The following FARS2 variants were observed in gnomAD, a reference collection of about 807,000 sequenced individuals.
FARS2 encodes the protein phenylalanine--tRNA ligase, mitochondrial.
Under a neutral mutation model 46.4 loss-of-function variants are expected in FARS2, and 40 were observed. The observed-to-expected ratio is 0.86, with a 90% CI of 0.67 to 1.12. The LOEUF is 1.12. FARS2 is among the 50% of genes most tolerant of loss of function. FARS2 has a pLI of 0.00. For synonymous variants in FARS2, 234 were observed against 214.9 expected (o/e 1.09, Z -0.78); for missense variants, 513 against 567.9 (o/e 0.90, Z 0.98).
At chr6:5,706,285 C>T (rs1386038799) in intron 6 of FARS2, among the ~76,000 whole-genome samples, 1 of 152,228 alleles carries the variant, frequency 6.6e-6, no homozygotes, top group African/African-American at 2.4e-5. Context: ...GCTTCCTAGC[C>T]GGACACAAAC....
intron 2 of FARS2, among the ~76,000 whole-genome samples, chr6:5,370,653 C>T (rs1758999685): frequency 6.6e-6 from 1 of 152,036 alleles, no homozygotes; most frequent in Non-Finnish European, 1.5e-5. Context: ...AGCCTGCATG[C>T]CATGAAAGAG....
chr6:5,255,188 G>A, the FARS2 span, among the ~76,000 whole-genome samples: 1 of 152,142 alleles, frequency 6.6e-6, no homozygotes, highest in Admixed American at 6.5e-5. Context: ...GACCATGGCG[G>A]GGGTCTCTGA....
chr6:5,714,980 G>A (rs377195910), intron 6 of FARS2, among the ~76,000 whole-genome samples: 82 of 151,902 alleles, frequency 5.4e-4, no homozygotes, highest in African/African-American at 2.0e-3. Context: ...AGTGGAGATC[G>A]CGCCACTGCA....
chr6:5,458,960 T>C (rs1309277580), intron 4 of FARS2, among the ~76,000 whole-genome samples: 1 of 152,240 alleles, frequency 6.6e-6, no homozygotes, highest in African/African-American at 2.4e-5. Flanking sequence ...TTTTTATTCT[T>C]TTGTTCTCTC....
intron 4 of FARS2, among the ~76,000 whole-genome samples, chr6:5,481,700 T>A (rs562597394): frequency 2.7e-5 from 4 of 149,244 alleles, no homozygotes; most frequent in East Asian, 2.0e-4. Flanking sequence ...TCCTTTTAAA[T>A]TTCTCACTGG....
At chr6:5,318,194 A>G (rs1376331042) in intron 1 of FARS2, among the ~76,000 whole-genome samples, 2 of 152,008 alleles carry the variant, frequency 1.3e-5, no homozygotes, top group African/African-American at 4.8e-5. Context: ...CCCCATCTCT[A>G]CTAAAAATAC....
chr6:5,479,419 T>A (rs1766314449), intron 4 of FARS2, among the ~76,000 whole-genome samples: 1 of 152,220 alleles, frequency 6.6e-6, no homozygotes, highest in East Asian at 1.9e-4. Context: ...TCTACTTTGC[T>A]TTAGTGTTCA....
intron 2 of FARS2, among the ~76,000 whole-genome samples, chr6:5,380,511 G>A (rs1759686289): frequency 6.6e-6 from 1 of 152,166 alleles, no homozygotes; most frequent in African/African-American, 2.4e-5. Flanking sequence ...CTACTTGTAG[G>A]GATGGAGTGG....
At chr6:5,436,874 T>G (rs1244004745) in intron 4 of FARS2, among the ~76,000 whole-genome samples, 1 of 152,224 alleles carries the variant, frequency 6.6e-6, no homozygotes, top group Non-Finnish European at 1.5e-5. Flanking sequence ...ACCCTATCTA[T>G]AGCATAGGTT....
chr6:5,415,682 A>G (rs1418450110), intron 3 of FARS2, among the ~76,000 whole-genome samples: 1 of 152,064 alleles, frequency 6.6e-6, no homozygotes, highest in African/African-American at 2.4e-5. Context: ...TCATATAACT[A>G]TTTGGCAAAG....
At chr6:5,280,074 C>A (rs894550690) in intron 1 of FARS2, among the ~76,000 whole-genome samples, 4 of 152,194 alleles carry the variant, frequency 2.6e-5, no homozygotes, top group African/African-American at 9.6e-5. Context: ...GGTCCTCTAT[C>A]TATGAGCTGT....
chr6:5,551,631 C>T (rs970758955), intron 5 of FARS2, among the ~76,000 whole-genome samples: 2 of 152,166 alleles, frequency 1.3e-5, no homozygotes, highest in Non-Finnish European at 2.9e-5. Flanking sequence ...AAGCTTAAAA[C>T]AACATGAGCT....
chr6:5,350,532 T>G (rs970146918), intron 1 of FARS2, among the ~76,000 whole-genome samples: 3 of 152,152 alleles, frequency 2.0e-5, no homozygotes, highest in Non-Finnish European at 4.4e-5. Context: ...CCCATAAATA[T>G]GCCCAGTTTA....
intron 4 of FARS2, among the ~76,000 whole-genome samples, chr6:5,451,489 T>C (rs1232008727): frequency 6.6e-6 from 1 of 152,160 alleles, no homozygotes; most frequent in Non-Finnish European, 1.5e-5. Flanking sequence ...GGCTCACTGC[T>C]CATTTCCATA....
intron 6 of FARS2, among the ~76,000 whole-genome samples, chr6:5,742,843 T>G (rs1761428598): frequency 6.6e-6 from 1 of 152,130 alleles, no homozygotes; most frequent in South Asian, 2.1e-4. Context: ...GAAGGAATTC[T>G]TGGATCTAGG....
intron 3 of FARS2, among the ~76,000 whole-genome samples, chr6:5,422,301 TG>T (rs1442513879): frequency 6.6e-6 from 1 of 152,102 alleles, no homozygotes; most frequent in Non-Finnish European, 1.5e-5. Flanking sequence ...GAGATTTGGG[TG>T]GGGACACAGC....
rs542086078 is a variant in FARS2 at position 5,394,824 on chromosome 6, T to A, written c.613-9718T>A. Among the ~76,000 whole-genome samples the A allele has an allele frequency of 2.1e-3, 316 of 152,264 alleles. 1 individual carries two copies. Among genetic ancestry groups the A allele is most frequent in the African/African-American group, 6.9e-3 (285 of 41,542 alleles). ...TTAAATAACTGCAATATAAAAAGATTTTTTTTCTTGATGCTCGTTAACTTT... is the reference window on the plus strand; with the variant it reads ...TTAAATAACTGCAATATAAAAAGATATTTTTTCTTGATGCTCGTTAACTTT... On this transcript the variant is annotated intron_variant, in intron 2 of 6. Coordinates refer to ENST00000274680, the MANE Select transcript of FARS2 (RefSeq NM_006567.5).
At chr6:5,568,063 T>TG (rs2150552912) in intron 5 of FARS2, among the ~76,000 whole-genome samples, 1 of 152,336 alleles carries the variant, frequency 6.6e-6, no homozygotes, top group South Asian at 2.1e-4. Context: ...TCTGTTGACT[T>TG]GTGATTATGT....
intron 1 of FARS2, among the ~76,000 whole-genome samples, chr6:5,293,091 A>G (rs889602524): frequency 2.6e-5 from 4 of 152,240 alleles, no homozygotes; most frequent in African/African-American, 9.6e-5. Flanking sequence ...ACTGTTGGAA[A>G]TAGCTCCAGT....
Sources: allele counts gnomAD v4.1 joint callset (sites outside exome capture counted in the v4.1 genomes callset), GRCh38; gene constraint gnomAD v4.1.1; transcripts MANE v1.5; gene names NCBI Gene and HGNC (gene_info 2026-07-23, HGNC 2026-07-21).